The following SPMIP4 variants were observed in gnomAD, a reference collection of about 807,000 sequenced individuals.
SPMIP4 encodes sperm microtubule inner protein 4.
At chr7:25,145,750 CTCATA>C in the SPMIP4 span, among the ~76,000 whole-genome samples, 2 of 152,170 alleles carry the variant, frequency 1.3e-5, no homozygotes, top group African/African-American at 4.8e-5. Context: ...CCCAGCATAG[CTCATA>C]TAATATATGT....
At chr7:25,161,390 CATTTT>C in the SPMIP4 span, 1 of 445,298 alleles carries the variant, frequency 2.2e-6, no homozygotes, top group Non-Finnish European at 4.0e-6. Flanking sequence ...GAAAAGGTGT[CATTTT>C]ATTTATTATT....
chr7:25,168,409 C>T, the SPMIP4 span: 1 of 1,610,996 alleles, frequency 6.2e-7, no homozygotes, highest in Non-Finnish European at 8.5e-7. Flanking sequence ...ACCATACTCT[C>T]TTTCAGCGCC....
chr7:25,152,703 C>T, the SPMIP4 span, among the ~76,000 whole-genome samples: 1 of 150,950 alleles, frequency 6.6e-6, no homozygotes, highest in Non-Finnish European at 1.5e-5. Context: ...TCCTCTTTCT[C>T]TCTCTCTTCC....
At chr7:25,179,121 A>G in the SPMIP4 span, 1 of 1,525,766 alleles carries the variant, frequency 6.6e-7, no homozygotes, top group Non-Finnish European at 8.9e-7. Flanking sequence ...AATAAAATAC[A>G]CGAATACATT....
the SPMIP4 span, among the ~76,000 whole-genome samples, chr7:25,130,959 G>A: frequency 9.9e-5 from 15 of 152,200 alleles, no homozygotes; most frequent in Non-Finnish European, 2.2e-4. Flanking sequence ...GTTTGGAGCA[G>A]GGCCCTCAAT....
At chr7:25,160,608 T>C in the SPMIP4 span, among the ~76,000 whole-genome samples, 6 of 152,226 alleles carry the variant, frequency 3.9e-5, no homozygotes, top group African/African-American at 1.2e-4. Flanking sequence ...CTGTGTTTTA[T>C]TTTTATCTAA....
At chr7:25,163,334 T>G in the SPMIP4 span, among the ~76,000 whole-genome samples, 1 of 152,200 alleles carries the variant, frequency 6.6e-6, no homozygotes, top group Non-Finnish European at 1.5e-5. The surrounding 1 kb of genome is among the most constrained non-coding windows in gnomAD (Gnocchi z 4.4). Context: ...GAAATAGCCA[T>G]ATGTCTGTAA....
At chr7:25,147,122 C>T in the SPMIP4 span, among the ~76,000 whole-genome samples, 45 of 152,088 alleles carry the variant, frequency 3.0e-4, no homozygotes, top group Non-Finnish European at 6.0e-4. Flanking sequence ...AGGGTGAACC[C>T]ATCTCTACTA....
the SPMIP4 span, chr7:25,179,167 T>C: frequency 3.2e-6 from 5 of 1,583,040 alleles, no homozygotes; most frequent in Non-Finnish European, 2.6e-6. Flanking sequence ...TTCTAGTTTT[T>C]GTTTTACCTG....
the SPMIP4 span, chr7:25,142,249 G>A: frequency 1.2e-6 from 2 of 1,611,246 alleles, no homozygotes; most frequent in Non-Finnish European, 1.7e-6. Flanking sequence ...ACCGGCTCTG[G>A]GTCAAATCCT....
chr7:25,160,189 G>A, the SPMIP4 span, among the ~76,000 whole-genome samples: 1 of 76,226 alleles, frequency 1.3e-5, no homozygotes. Context: ...TCTTTTTGGC[G>A]CCATCTAGTG....
chr7:25,143,380 T>C, the SPMIP4 span, among the ~76,000 whole-genome samples: 1 of 152,216 alleles, frequency 6.6e-6, no homozygotes, highest in East Asian at 1.9e-4. Context: ...ACTTAGAAAT[T>C]CACCTTTTCT....
the SPMIP4 span, among the ~76,000 whole-genome samples, chr7:25,126,605 TTTC>T: frequency 1.3e-5 from 2 of 152,204 alleles, no homozygotes; most frequent in Admixed American, 6.5e-5. Flanking sequence ...TTTAAAACTT[TTTC>T]TTGTTTCTAT....
At chr7:25,161,100 C>A in the SPMIP4 span, 3 of 676,058 alleles carry the variant, frequency 4.4e-6, no homozygotes, top group South Asian at 2.3e-5. Context: ...CTAAAAGTCC[C>A]CATTTGGGGC....
chr7:25,140,877 G>C, the SPMIP4 span, among the ~76,000 whole-genome samples: 2 of 152,116 alleles, frequency 1.3e-5, no homozygotes, highest in Non-Finnish European at 2.9e-5. Flanking sequence ...ATGAGCCACC[G>C]AGCCTGACCC....
At chr7:25,155,481 TA>T in the SPMIP4 span, among the ~76,000 whole-genome samples, 2 of 152,176 alleles carry the variant, frequency 1.3e-5, no homozygotes, top group South Asian at 2.1e-4. Context: ...ATAACTCGTA[TA>T]AAAAATATAA....
At chr7:25,130,307 C>T in the SPMIP4 span, among the ~76,000 whole-genome samples, 1 of 146,526 alleles carries the variant, frequency 6.8e-6, no homozygotes, top group African/African-American at 2.6e-5. Context: ...GGCTGGTTAT[C>T]ACTTCTTTTT....
the SPMIP4 span, chr7:25,135,010 ATGT>A: frequency 1.1e-5 from 9 of 818,444 alleles, no homozygotes; most frequent in African/African-American, 1.7e-4. Context: ...ACCAAATGAC[ATGT>A]TGGTCATAAA....
At chr7:25,174,312 T>C in the SPMIP4 span, among the ~76,000 whole-genome samples, 27,399 of 147,218 alleles carry the variant, frequency 0.19, 3,539 homozygotes, top group African/African-American at 0.37. The surrounding 1 kb of genome is among the most constrained non-coding windows in gnomAD (Gnocchi z 4.5). Context: ...CCAGTAGTTC[T>C]CAATGTAAAT....
Sources: gnomAD v4.1 joint callset for allele counts (sites outside exome capture counted in the v4.1 genomes callset) on GRCh38, gnomAD v4.1.1 for gene constraint, Gnocchi (gnomAD v3.1) non-coding constraint, MANE v1.5 for transcripts, NCBI Gene and HGNC (gene_info 2026-07-23, HGNC 2026-07-21) for gene names.